The following FOXN4 variants were observed in gnomAD, a reference collection of about 807,000 sequenced individuals.
FOXN4 encodes forkhead box N4, also known as forkhead box protein N4.
Under a neutral mutation model 45.0 loss-of-function variants are expected in FOXN4, and 12 were observed. The ratio of observed to expected loss-of-function variants is 0.27; its 90% CI spans 0.17 to 0.43. The LOEUF (loss-of-function observed/expected upper bound fraction) is 0.43. Ranked by LOEUF, FOXN4 falls within the 20% of genes least tolerant of loss-of-function variation. FOXN4 has a pLI of 1.00. For missense variants in FOXN4, 560 were observed against 694.9 expected, an observed-to-expected ratio of 0.81 and a Z score of 2.18; for synonymous variants, 297 against 295.0, an observed-to-expected ratio of 1.01 and a Z score of -0.07.
In FOXN4 at chr12:109,287,990, G is replaced by T; in HGVS notation, c.358-36C>A. 1 of 1,549,506 alleles carries T rather than the reference G, an allele frequency of 6.5e-7. No homozygotes were observed. The highest frequency in any genetic ancestry group is 8.7e-7 in the Non-Finnish European group (1 of 1,146,826). ...GGAAGAGGAGGAGACAGAGGGTCAC[G>T]GTGGGGGTAGACACCCAGTCTGGAG... On this transcript the variant is annotated intron_variant, in intron 4 of 9. Coordinates refer to ENST00000299162, the MANE Select transcript of FOXN4 (RefSeq NM_213596.3). This position sits in a 1 kb window ranked among gnomAD's most constrained non-coding sequence, Gnocchi z 4.1.
chr12:109,286,807 G>T (rs774915299), intron 6 of FOXN4, 63 bp from the exon 7 acceptor site: 1 of 1,534,248 alleles, frequency 6.5e-7, no homozygotes, highest in Non-Finnish European at 8.7e-7. Context: ...GCATGAAAGG[G>T]TCTCAGGCTG....
intron 8 of FOXN4, among the ~76,000 whole-genome samples, chr12:109,283,046 C>T (rs1339671015): frequency 6.6e-6 from 1 of 152,072 alleles, no homozygotes; most frequent in Admixed American, 6.6e-5. Flanking sequence ...ACACTGCTAG[C>T]CCCATTCCTA....
chr12:109,292,766 A>G (rs2047781188), intron 2 of FOXN4, among the ~76,000 whole-genome samples: 1 of 152,192 alleles, frequency 6.6e-6, no homozygotes, highest in South Asian at 2.1e-4. Flanking sequence ...CCATGTAATG[A>G]GCACTGCCTG....
At chr12:109,308,774 T>C (rs2047942806) in intron 1 of FOXN4, among the ~76,000 whole-genome samples, 1 of 152,120 alleles carries the variant, frequency 6.6e-6, no homozygotes, top group African/African-American at 2.4e-5. Context: ...GCAAAGGGAA[T>C]AATCCCCGCA....
chr12:109,294,811 C>T (rs75729274), intron 2 of FOXN4, among the ~76,000 whole-genome samples: 4 of 152,120 alleles, frequency 2.6e-5, no homozygotes, highest in East Asian at 1.9e-4. Flanking sequence ...AAGGTCAGCA[C>T]GTGCCCCTCT....
At chr12:109,292,857 T>C (rs1297840576) in intron 2 of FOXN4, among the ~76,000 whole-genome samples, 2 of 152,064 alleles carry the variant, frequency 1.3e-5, no homozygotes, top group South Asian at 2.1e-4. Flanking sequence ...TGTTTCCCTA[T>C]AGAGTGAGGA....
At chr12:109,280,297 T>G (rs987529476) in intron 9 of FOXN4, among the ~76,000 whole-genome samples, 2 of 147,354 alleles carry the variant, frequency 1.4e-5, no homozygotes, top group African/African-American at 5.1e-5. Context: ...GAGCAGAGAT[T>G]GTGCCACTGC....
At chr12:109,281,277 A>G in intron 9 of FOXN4, 130 bp downstream of exon 9, 1 of 1,315,894 alleles carries the variant, frequency 7.6e-7, no homozygotes, top group East Asian at 2.4e-5. Flanking sequence ...TTCAACTTGT[A>G]AAGGTTGTTG....
chr12:109,286,504 G>T (rs770804418), intron 7 of FOXN4, 144 bp downstream of exon 7: 11 of 731,220 alleles, frequency 1.5e-5, no homozygotes, highest in Non-Finnish European at 2.2e-5. Flanking sequence ...TTCTGTGTGA[G>T]TGTGTGTGCA....
chr12:109,288,604 C>T lies in FOXN4; in HGVS notation c.233-424G>A, dbSNP rs1298635738. 3.3e-5 allele frequency among the ~76,000 whole-genome samples: 5 copies of T among 152,160 alleles called. No homozygotes were observed. The highest frequency in any genetic ancestry group is 5.9e-5 in the Non-Finnish European group (4 of 68,036). On this transcript the variant is annotated intron_variant, in intron 3 of 9. Transcript: ENST00000299162. This position sits in a 1 kb window ranked among gnomAD's most constrained non-coding sequence, Gnocchi z 4.3. ...TTCCTCAAAAACATGCCATGGCTCC[C>T]GAGTGCCTCTAGGTTTAGGTCCAAA...
rs760915886 is a variant in FOXN4 at position 109,287,336 on chromosome 12, A to G, written c.596+61T>C. The G allele has an allele frequency of 7.3e-5, 112 of 1,542,682 alleles. No homozygotes were observed. The highest frequency in any genetic ancestry group is 9.6e-5 in the Non-Finnish European group (109 of 1,141,032). On this transcript the variant is annotated intron_variant, in intron 6 of 9. Coordinates refer to ENST00000299162, the MANE Select transcript of FOXN4 (RefSeq NM_213596.3). The surrounding 1 kb of genome is among the most constrained non-coding windows in gnomAD (Gnocchi z 4.1). Reference sequence around the variant, plus strand: ...TAGCTGTCTGAGATGCCCTGAGGGCAGCCTCATCCCTCTCTCCCGGAGCCG... The same window carrying G: ...TAGCTGTCTGAGATGCCCTGAGGGCGGCCTCATCCCTCTCTCCCGGAGCCG...
intron 2 of FOXN4, among the ~76,000 whole-genome samples, chr12:109,294,533 A>G (rs1258325355): frequency 2.6e-5 from 4 of 152,078 alleles, no homozygotes; most frequent in Admixed American, 6.5e-5. Flanking sequence ...CCCACTGCCC[A>G]TGCCAGAATG....
chr12:109,295,227 C>A (rs938161019), intron 2 of FOXN4, among the ~76,000 whole-genome samples: 4 of 152,198 alleles, frequency 2.6e-5, no homozygotes, highest in Admixed American at 6.5e-5. Context: ...GAGAGCCACA[C>A]AGAGAGAGAC....
At chr12:109,304,229 A>AAG (rs1348598030) in intron 2 of FOXN4, among the ~76,000 whole-genome samples, 1 of 39,322 alleles carries the variant, frequency 2.5e-5, no homozygotes, top group African/African-American at 1.1e-4. Context: ...AAGAGAAAGA[A>AAG]AGAAAGAAAG....
In FOXN4 at chr12:109,288,900, CTGTT is replaced by C. The variant is rs529348293; in HGVS notation, c.233-724_233-721del. On this transcript the variant is annotated intron_variant, in intron 3 of 9. Coordinates refer to ENST00000299162, the MANE Select transcript of FOXN4 (RefSeq NM_213596.3). This position sits in a 1 kb window ranked among gnomAD's most constrained non-coding sequence, Gnocchi z 4.3. ...GTTCTGGCTGCCACTGTCCCTAGAT[CTGTT>C]TGTCTTGTCCTTCTCTCTCTGACCA... 1.3e-5 allele frequency among the ~76,000 whole-genome samples: 2 copies of C among 152,240 alleles called. No homozygotes were observed. Among genetic ancestry groups the C allele is most frequent in the African/African-American group, 2.4e-5 (1 of 41,466 alleles).
chr12:109,285,175 C>A, intron 8 of FOXN4, 129 bp downstream of exon 8: 1 of 1,082,184 alleles, frequency 9.2e-7, no homozygotes, highest in South Asian at 1.4e-5. Context: ...TGTGTGTGCG[C>A]GTGCGTATGC....
rs1423032331 is a variant in FOXN4, at chr12:109,290,167, C to A, written c.206G>T (p.Gly69Val). 6.4e-7 allele frequency: 1 copy of A among 1,550,560 alleles called. No individual in the cohort carries two copies. Among genetic ancestry groups the A allele is most frequent in the Non-Finnish European group, 8.7e-7 (1 of 1,146,508 alleles). ...QMASGRVDLG[G>V]PCVPHPHPGA... is the part of the protein sequence containing the mutation. ...TGGGTGTGGATGTGGCACGCAGGGG[C>A]CACCCAGGTCCACGCGGCCACTTGC... Residue 69 changes from glycine to valine, a missense_variant, in exon 3 of 10, where the codon GGC becomes GTC. Gly to Val is a moderately radical substitution (Grantham distance 109). Coordinates refer to ENST00000299162, the MANE Select transcript of FOXN4 (RefSeq NM_213596.3). This position sits in a 1 kb window ranked among gnomAD's most constrained non-coding sequence, Gnocchi z 5.1.
chr12:109,279,823 C>G lies in FOXN4; in HGVS notation c.1402G>C (p.Ala468Pro). Residue 468 changes from alanine (A) to proline (P), a missense_variant, in exon 10 of 10, where the codon GCC becomes CCC. Ala to Pro is a conservative substitution (Grantham distance 27). Around this residue, in one of 5 missense-constraint regions of FOXN4, gnomAD observed 315 missense variants for 350.5 expected, o/e 0.90. Transcript: ENST00000299162. ...CDLGASGLTPASGGSDQSFPD... is the reference protein window; with the variant it reads ...CDLGASGLTPPSGGSDQSFPD... ...AAGGACTGGTCGCTGCCACCCGAGG[C>G]AGGGGTTAGGCCTGAGGCCCCCAGG... The G allele has an allele frequency of 6.2e-7, 1 of 1,613,326 alleles. No individual in the cohort carries two copies. The highest frequency in any genetic ancestry group is 8.5e-7 in the Non-Finnish European group (1 of 1,179,598).
chr12:109,295,229 G>T (rs751822580), intron 2 of FOXN4, among the ~76,000 whole-genome samples: 1 of 152,224 alleles, frequency 6.6e-6, no homozygotes, highest in Non-Finnish European at 1.5e-5. Context: ...GAGCCACACA[G>T]AGAGAGACCC....
Sources: allele counts gnomAD v4.1 joint callset (sites outside exome capture counted in the v4.1 genomes callset), GRCh38; gene constraint gnomAD v4.1.1; regional missense constraint gnomAD v4.1.1; non-coding constraint Gnocchi (gnomAD v3.1); transcripts MANE v1.5; gene names NCBI Gene and HGNC (gene_info 2026-07-23, HGNC 2026-07-21).